DHRSX: variants seen among roughly 807,000 people sequenced by gnomAD.
The protein encoded by DHRSX is polyprenol dehydrogenase.
Under a neutral mutation model 34.0 loss-of-function variants are expected in DHRSX, and 31 were observed. That is an observed-to-expected ratio of 0.91 (90% CI 0.69 to 1.23). The LOEUF is 1.23. DHRSX is among the 50% of genes most tolerant of loss of function. The pLI is 0.00. For synonymous variants in DHRSX, 201 were observed against 183.8 expected (o/e 1.09, Z -0.76); for missense variants, 414 against 428.1 (o/e 0.97, Z 0.29).
chrX:2,317,002 GGCTGGAGT>G (rs1285112539), intron 3 of DHRSX, among the ~76,000 whole-genome samples: 1 of 152,164 alleles, frequency 6.6e-6, no homozygotes, highest in Non-Finnish European at 1.5e-5. Flanking sequence ...CTGTCGCCCA[GGCTGGAGT>G]GCAATGGCGC....
chrX:2,323,202 G>T (rs755085646), intron 3 of DHRSX, among the ~76,000 whole-genome samples: 3 of 152,184 alleles, frequency 2.0e-5, no homozygotes, highest in African/African-American at 7.2e-5. Flanking sequence ...GCACCTGGAA[G>T]GCAGAATAAA....
At chrX:2,409,073 G>C (rs1287358660) in intron 2 of DHRSX, among the ~76,000 whole-genome samples, 1 of 152,138 alleles carries the variant, frequency 6.6e-6, no homozygotes, top group East Asian at 1.9e-4. Context: ...TAGTGACAGG[G>C]ACCCGGGGCA....
chrX:2,402,443 G>A (rs1382153753), intron 3 of DHRSX, among the ~76,000 whole-genome samples: 3 of 152,218 alleles, frequency 2.0e-5, no homozygotes, highest in Admixed American at 6.5e-5. Context: ...AGCTGTGGTC[G>A]TCCATAAGAT....
intron 6 of DHRSX, among the ~76,000 whole-genome samples, chrX:2,237,591 C>T (rs1428689440): frequency 2.6e-5 from 4 of 151,752 alleles, no homozygotes; most frequent in South Asian, 2.1e-4. Context: ...CCACAATTTC[C>T]GCCCCCGGGT....
chrX:2,225,866 C>T (rs917267018), intron 6 of DHRSX, among the ~76,000 whole-genome samples: 156 of 152,070 alleles, frequency 1.0e-3, no homozygotes, highest in African/African-American at 3.6e-3. Context: ...GTTTATAAGC[C>T]ACCCAGTCTA....
At chrX:2,370,699 C>T (rs776014492) in intron 3 of DHRSX, among the ~76,000 whole-genome samples, 1 of 152,040 alleles carries the variant, frequency 6.6e-6, no homozygotes, top group South Asian at 2.1e-4. Context: ...TTTGCCCCTT[C>T]AGGGATGGAC....
chrX:2,368,671 A>G (rs1161135624), intron 3 of DHRSX, among the ~76,000 whole-genome samples: 1 of 152,056 alleles, frequency 6.6e-6, no homozygotes, highest in East Asian at 1.9e-4. Flanking sequence ...CCAACATGTC[A>G]AAACCCCGTC....
intron 1 of DHRSX, chrX:2,486,637 G>C (rs969736057): frequency 6.6e-6 from 1 of 152,228 alleles, no homozygotes; most frequent in South Asian, 2.1e-4. Context: ...AGCCCACGGA[G>C]GCGTGGGCTG....
chrX:2,425,176 A>AGTAACT (rs2043827950), intron 2 of DHRSX, 21 bp downstream of exon 2: 2 of 1,569,254 alleles, frequency 1.3e-6, no homozygotes, highest in Non-Finnish European at 1.7e-6. Flanking sequence ...AAAAAACACA[A>AGTAACT]GTAACTGTAA....
intron 5 of DHRSX, among the ~76,000 whole-genome samples, chrX:2,260,789 C>A (rs1019644323): frequency 6.6e-6 from 1 of 152,124 alleles, no homozygotes; most frequent in African/African-American, 2.4e-5. Context: ...GGCCACCCAT[C>A]ATATTGGATC....
intron 4 of DHRSX, among the ~76,000 whole-genome samples, chrX:2,282,770 G>A (rs1423568907): frequency 1.1e-4 from 5 of 46,992 alleles, no homozygotes; most frequent in Admixed American, 8.7e-4. Flanking sequence ...GGGAGAAAGC[G>A]AGGGAGGGAG....
chrX:2,358,513 C>G (rs974151527), intron 3 of DHRSX, among the ~76,000 whole-genome samples: 3 of 151,944 alleles, frequency 2.0e-5, no homozygotes, highest in African/African-American at 7.3e-5. Flanking sequence ...CTGGCTAACA[C>G]GGTGAAACCC....
At chrX:2,399,105 C>T (rs189109244) in intron 3 of DHRSX, among the ~76,000 whole-genome samples, 9 of 145,152 alleles carry the variant, frequency 6.2e-5, no homozygotes, top group African/African-American at 1.3e-4. Context: ...CTGCCCGCCT[C>T]GGCCATAGAG....
At chrX:2,268,534 G>A (rs897141876) in intron 4 of DHRSX, among the ~76,000 whole-genome samples, 2 of 152,200 alleles carry the variant, frequency 1.3e-5, no homozygotes, top group African/African-American at 2.4e-5. Context: ...TATGCCTATA[G>A]AGATATATGT....
At chrX:2,452,055 T>A (rs1461260756) in intron 1 of DHRSX, among the ~76,000 whole-genome samples, 1 of 147,592 alleles carries the variant, frequency 6.8e-6, no homozygotes, top group South Asian at 2.2e-4. Flanking sequence ...ACACTGAAGA[T>A]GTTCACTAAG....
intron 6 of DHRSX, among the ~76,000 whole-genome samples, chrX:2,233,067 GAAA>G (rs2015933715): frequency 3.1e-4 from 2 of 6,542 alleles, no homozygotes; most frequent in African/African-American, 4.6e-4. Flanking sequence ...GAAAAAGAAA[GAAA>G]GAAAGAAAGA....
At chrX:2,437,698 A>AGTGT (rs57675169) in intron 1 of DHRSX, among the ~76,000 whole-genome samples, 6 of 98,760 alleles carry the variant, frequency 6.1e-5, no homozygotes, top group African/African-American at 2.5e-4. Flanking sequence ...AGAGAGAGAG[A>AGTGT]GTGTGTGTGT....
intron 3 of DHRSX, among the ~76,000 whole-genome samples, chrX:2,298,724 G>A (rs541987208): frequency 8.6e-4 from 130 of 151,322 alleles, no homozygotes; most frequent in African/African-American, 3.0e-3. Context: ...GGCAGCTCAC[G>A]CCTGTATTCC....
At chrX:2,347,899 C>T (rs1016096216) in intron 3 of DHRSX, among the ~76,000 whole-genome samples, 1 of 152,186 alleles carries the variant, frequency 6.6e-6, no homozygotes, top group Non-Finnish European at 1.5e-5. Context: ...GTTGGAACCA[C>T]CCTGCTCGTG....
Sources: gnomAD v4.1 joint callset for allele counts (sites outside exome capture counted in the v4.1 genomes callset) on GRCh38, gnomAD v4.1.1 for gene constraint, MANE v1.5 for transcripts, NCBI Gene and HGNC (gene_info 2026-07-23, HGNC 2026-07-21) for gene names.